Variants in ASPH observed in about 807,000 individuals in gnomAD.
The protein encoded by ASPH is aspartyl/asparaginyl beta-hydroxylase.
A neutral mutation model predicts 118.4 loss-of-function variants in ASPH; 100 were observed. The observed-to-expected ratio is 0.84, with a 90% confidence interval of 0.72 to 1.00. The LOEUF is 1.00. Ranked by LOEUF, ASPH falls within the 50% of genes least tolerant of loss-of-function variation. The pLI is 0.00. For synonymous variants in ASPH, 315 were observed against 325.6 expected (o/e 0.97, Z 0.35); for missense variants, 920 against 919.5 (o/e 1.00, Z -0.01).
chr8:61,680,001 C>T (rs1245993547), intron 3 of ASPH, among the ~76,000 whole-genome samples: 1 of 149,582 alleles, frequency 6.7e-6, no homozygotes, highest in Admixed American at 6.7e-5. Flanking sequence ...GGTTTATTAC[C>T]TTTAATCACA....
chr8:61,614,631 C>T (rs1258032433), intron 14 of ASPH, among the ~76,000 whole-genome samples: 2 of 152,116 alleles, frequency 1.3e-5, no homozygotes, highest in Non-Finnish European at 2.9e-5. Context: ...CCATGCCTGG[C>T]TACGTGTTGG....
chr8:61,560,732 T>G (rs1017930498), intron 18 of ASPH, among the ~76,000 whole-genome samples: 1 of 152,136 alleles, frequency 6.6e-6, no homozygotes, highest in African/African-American at 2.4e-5. Flanking sequence ...TTTTTCGGGA[T>G]GAAGTAAAAT....
intron 12 of ASPH, among the ~76,000 whole-genome samples, chr8:61,636,847 T>A (rs933186767): frequency 6.6e-6 from 1 of 152,096 alleles, no homozygotes; most frequent in African/African-American, 2.4e-5. Context: ...CATAGAGAAC[T>A]GAGTAACACA....
chr8:61,509,035 A>G (rs138653601), intron 24 of ASPH, among the ~76,000 whole-genome samples: 1 of 152,234 alleles, frequency 6.6e-6, no homozygotes, highest in African/African-American at 2.4e-5. Flanking sequence ...CTTCTAACAC[A>G]CACAAACAAC....
chr8:61,625,212 A>C (rs1852308543), intron 13 of ASPH: 2 of 985,774 alleles, frequency 2.0e-6, no homozygotes, highest in Non-Finnish European at 2.4e-6. Context: ...TTCTGAGCCC[A>C]AAATAAACCA....
At chr8:61,564,688 T>C (rs11774171) in intron 17 of ASPH, among the ~76,000 whole-genome samples, 103,767 of 152,174 alleles carry the variant, frequency 0.68, 37,865 homozygotes, top group Non-Finnish European at 0.82. Context: ...TTGTGCTGCA[T>C]GTTTTTGTTC....
intron 1 of ASPH, among the ~76,000 whole-genome samples, chr8:61,694,440 G>T (rs1389133898): frequency 6.6e-6 from 1 of 152,012 alleles, no homozygotes; most frequent in African/African-American, 2.4e-5. Flanking sequence ...CTTCCATCTG[G>T]TTTCTGCACA....
At chr8:61,572,040 T>C (rs538596025) in intron 16 of ASPH, among the ~76,000 whole-genome samples, 3 of 152,192 alleles carry the variant, frequency 2.0e-5, no homozygotes, top group Non-Finnish European at 4.4e-5. Context: ...TTTTCACAAA[T>C]CTAATTAAAA....
intron 21 of ASPH, 79 bp downstream of exon 21, chr8:61,547,992 T>A (rs1824536360): frequency 1.4e-6 from 2 of 1,471,254 alleles, no homozygotes. Context: ...CTGACATTCC[T>A]TTTTATGATA....
chr8:61,650,850 T>C (rs1810612040), intron 5 of ASPH, among the ~76,000 whole-genome samples, 200 bp downstream of exon 5: 1 of 152,190 alleles, frequency 6.6e-6, no homozygotes, highest in Admixed American at 6.5e-5. Context: ...TGCAGTGAGT[T>C]CCTCCACGGT....
At chr8:61,579,423 C>T (rs1365166827) in intron 15 of ASPH, 1 of 1,612,872 alleles carries the variant, frequency 6.2e-7, no homozygotes, top group African/African-American at 1.3e-5. Context: ...AGAGAGCCGG[C>T]TGAAGTCTGG....
chr8:61,666,005 A>G (rs923133940), intron 3 of ASPH, among the ~76,000 whole-genome samples: 5 of 152,198 alleles, frequency 3.3e-5, no homozygotes, highest in African/African-American at 7.2e-5. Flanking sequence ...ATATATACAA[A>G]GATAATTTAA....
chr8:61,628,323 C>CTTTTTT (rs398008041), intron 13 of ASPH: 13 of 196,672 alleles, frequency 6.6e-5, no homozygotes, highest in African/African-American at 3.4e-4. Flanking sequence ...CCAAGCCCGG[C>CTTTTTT]TTTTTTTTTT....
At chr8:61,643,049 T>G in intron 9 of ASPH, 129 bp from the exon 10 acceptor site, 1 of 843,620 alleles carries the variant, frequency 1.2e-6, no homozygotes, top group Non-Finnish European at 1.8e-6. Flanking sequence ...TAATGTCTGC[T>G]CAGTCAATAA....
chr8:61,564,228 A>G (rs1021675759), intron 17 of ASPH, among the ~76,000 whole-genome samples: 8 of 152,198 alleles, frequency 5.3e-5, no homozygotes, highest in Non-Finnish European at 1.2e-4. Flanking sequence ...TAGTGACAGA[A>G]TCACTAAACA....
chr8:61,675,839 A>G (rs1299125100), intron 3 of ASPH: 2 of 1,321,552 alleles, frequency 1.5e-6, no homozygotes, highest in Non-Finnish European at 1.9e-6. Context: ...TTTTCAGTGT[A>G]CTTTGTAGCT....
chr8:61,689,354 C>A (rs1831845672), intron 1 of ASPH, among the ~76,000 whole-genome samples: 2 of 151,918 alleles, frequency 1.3e-5, no homozygotes, highest in Non-Finnish European at 2.9e-5. Context: ...TCTTTAAATT[C>A]ATTGTAATTA....
chr8:61,548,154 G>A lies in ASPH; in HGVS notation c.1681C>T (p.Gln561Ter). 6.2e-7 allele frequency: 1 copy of A among 1,613,950 alleles called. No homozygotes were observed. The highest frequency in any genetic ancestry group is 8.5e-7 in the Non-Finnish European group (1 of 1,179,888). ...HKRGHFASVW[Q>*]RSLYNVNGLK... ...CCATTCACATTGTAGAGTGAGCGTT[G>A]CCAGACAGATGCAAAGTGTCCTCTC... is the stretch of plus-strand genomic sequence containing the variant. Residue 561 changes from glutamine (Q) to a stop codon, truncating the protein, a stop_gained, in exon 21 of 25, where the codon CAA (glutamine) becomes TAA (stop). Coordinates refer to ENST00000379454, the MANE Select transcript of ASPH (RefSeq NM_004318.4). LOFTEE classifies it high-confidence loss of function.
At chr8:61,531,130 T>C (rs1490692490) in intron 21 of ASPH, among the ~76,000 whole-genome samples, 2 of 152,260 alleles carry the variant, frequency 1.3e-5, no homozygotes, top group South Asian at 4.1e-4. Context: ...TATTTTGTAA[T>C]GCACTTCATA....
Sources: allele counts gnomAD v4.1 joint callset (sites outside exome capture counted in the v4.1 genomes callset), GRCh38; gene constraint gnomAD v4.1.1; transcripts MANE v1.5; gene names NCBI Gene and HGNC (gene_info 2026-07-23, HGNC 2026-07-21).